GRIA1: variants seen among roughly 807,000 people sequenced by gnomAD.
The protein encoded by GRIA1 is glutamate receptor 1.
In GRIA1, 31 loss-of-function variants were observed where a neutral mutation model predicts 99.2. The observed-to-expected ratio is 0.31, with a 90% CI of 0.23 to 0.42. GRIA1 has a LOEUF of 0.42. GRIA1 is among the 10% of genes least tolerant of loss of function. GRIA1 has a pLI of 1.00. For synonymous variants in GRIA1, 438 were observed against 432.4 expected, an observed-to-expected ratio of 1.01 and a Z score of -0.16; for missense variants, 782 against 1,157.5, an observed-to-expected ratio of 0.68 and a Z score of 4.71.
chr5:153,686,765 G>T (rs994633835), intron 8 of GRIA1, among the ~76,000 whole-genome samples: 1 of 152,072 alleles, frequency 6.6e-6, no homozygotes, highest in Admixed American at 6.6e-5. Flanking sequence ...CAAAAGTAAG[G>T]GTGAAAATAT....
chr5:153,687,250 G>T (rs1757405911), intron 8 of GRIA1, among the ~76,000 whole-genome samples: 1 of 152,190 alleles, frequency 6.6e-6, no homozygotes, highest in South Asian at 2.1e-4. Flanking sequence ...AGAGCTGGTA[G>T]GGTGCCATGG....
intron 11 of GRIA1, among the ~76,000 whole-genome samples, chr5:153,750,900 A>T (rs1379024151): frequency 1.3e-5 from 2 of 152,090 alleles, no homozygotes; most frequent in Admixed American, 1.3e-4. Context: ...GATCGAGACC[A>T]TCCTGGCCAA....
chr5:153,703,366 T>TTATTTTCA (rs1758664478), intron 10 of GRIA1, among the ~76,000 whole-genome samples: 1 of 152,248 alleles, frequency 6.6e-6, no homozygotes, highest in South Asian at 2.1e-4. Flanking sequence ...TATTTTTATG[T>TTATTTTCA]TATTTTCATG....
chr5:153,807,622 G>A (rs1401424458), intron 15 of GRIA1, among the ~76,000 whole-genome samples: 2 of 152,172 alleles, frequency 1.3e-5, no homozygotes, highest in Non-Finnish European at 2.9e-5. Flanking sequence ...GGAAAAGGGT[G>A]ATATGTGAGA....
chr5:153,563,549 T>A (rs1301241870), intron 2 of GRIA1, among the ~76,000 whole-genome samples: 2 of 152,212 alleles, frequency 1.3e-5, no homozygotes, highest in African/African-American at 2.4e-5. Context: ...GGGAAAAAAA[T>A]TAAACAACAT....
chr5:153,703,679 G>T (rs1300908464), intron 10 of GRIA1, among the ~76,000 whole-genome samples: 1 of 152,190 alleles, frequency 6.6e-6, no homozygotes, highest in Non-Finnish European at 1.5e-5. Context: ...GACAGAGGTT[G>T]CAGAGCCAAG....
chr5:153,665,757 C>T (rs1005132874), intron 5 of GRIA1, among the ~76,000 whole-genome samples: 1 of 152,122 alleles, frequency 6.6e-6, no homozygotes, highest in Non-Finnish European at 1.5e-5. Flanking sequence ...CAAATGGAAT[C>T]TTGGGGGAGA....
chr5:153,595,297 G>C (rs1184404563), intron 2 of GRIA1, among the ~76,000 whole-genome samples: 1 of 152,148 alleles, frequency 6.6e-6, no homozygotes, highest in Non-Finnish European at 1.5e-5. Context: ...GGTTAGTTCA[G>C]AGAGTTCCCA....
At chr5:153,665,981 C>T (rs1755715529) in intron 5 of GRIA1, among the ~76,000 whole-genome samples, 1 of 152,090 alleles carries the variant, frequency 6.6e-6, no homozygotes, top group African/African-American at 2.4e-5. Flanking sequence ...GAGATAATTG[C>T]CCAAGGACAA....
At chr5:153,565,189 A>G (rs1303733205) in intron 2 of GRIA1, among the ~76,000 whole-genome samples, 2 of 152,180 alleles carry the variant, frequency 1.3e-5, no homozygotes, top group Non-Finnish European at 2.9e-5. Flanking sequence ...GAGTACTTCT[A>G]TGGCGGACTT....
At chr5:153,600,615 G>A (rs1055298373) in intron 2 of GRIA1, among the ~76,000 whole-genome samples, 1 of 152,056 alleles carries the variant, frequency 6.6e-6, no homozygotes, top group Non-Finnish European at 1.5e-5. Flanking sequence ...GCCTCAGAGT[G>A]AAAAATGAAC....
chr5:153,509,353 T>C (rs1452956720), intron 2 of GRIA1, among the ~76,000 whole-genome samples: 1 of 152,204 alleles, frequency 6.6e-6, no homozygotes, highest in Non-Finnish European at 1.5e-5. Context: ...CAGACCATTT[T>C]CCAAAGTGCT....
chr5:153,600,070 G>C (rs967717511), intron 2 of GRIA1, among the ~76,000 whole-genome samples: 2 of 152,154 alleles, frequency 1.3e-5, no homozygotes, highest in Admixed American at 1.3e-4. Flanking sequence ...TCTACAGTGA[G>C]AGCCATCTCT....
At chr5:153,515,769 G>T (rs944064270) in intron 2 of GRIA1, among the ~76,000 whole-genome samples, 1 of 152,042 alleles carries the variant, frequency 6.6e-6, no homozygotes, top group African/African-American at 2.4e-5. Context: ...TTTTAAAAAG[G>T]CTATTTTTCT....
intron 2 of GRIA1, among the ~76,000 whole-genome samples, chr5:153,603,165 A>G (rs921189272): frequency 1.3e-5 from 2 of 151,852 alleles, no homozygotes. Context: ...GAGTGAGAAC[A>G]TGCAGTGTTT....
At chr5:153,555,712 A>G (rs1760575388) in intron 2 of GRIA1, among the ~76,000 whole-genome samples, 1 of 152,178 alleles carries the variant, frequency 6.6e-6, no homozygotes, top group African/African-American at 2.4e-5. Context: ...GTGTGTCTGA[A>G]TGGACCTGTC....
At chr5:153,748,460 C>T (rs1055332221) in intron 11 of GRIA1, among the ~76,000 whole-genome samples, 3 of 152,148 alleles carry the variant, frequency 2.0e-5, no homozygotes, top group African/African-American at 2.4e-5. Flanking sequence ...CGCGGGCTGG[C>T]TCAGGGAGTG....
chr5:153,629,922 G>A (rs368948374), intron 2 of GRIA1, among the ~76,000 whole-genome samples: 7 of 152,250 alleles, frequency 4.6e-5, no homozygotes, highest in African/African-American at 1.4e-4. Flanking sequence ...CATACACTAT[G>A]TTGAATTGAT....
chr5:153,693,179 A>C (rs189913337), intron 8 of GRIA1, among the ~76,000 whole-genome samples: 3 of 152,282 alleles, frequency 2.0e-5, no homozygotes, highest in African/African-American at 7.2e-5. Context: ...TCCAGCTAAC[A>C]GATAGGAATG....
Sources: gnomAD v4.1 joint callset for allele counts (sites outside exome capture counted in the v4.1 genomes callset) on GRCh38, gnomAD v4.1.1 for gene constraint, MANE v1.5 for transcripts, NCBI Gene and HGNC (gene_info 2026-07-23, HGNC 2026-07-21) for gene names.